WDR4: variants seen among roughly 807,000 people sequenced by gnomAD.
WDR4 encodes WDR4 tRNA N7-guanosine methyltransferase non-catalytic subunit, also known as tRNA (guanine-N(7)-)-methyltransferase non-catalytic subunit WDR4.
Under a neutral mutation model 48.6 loss-of-function variants are expected in WDR4, and 47 were observed. That is an observed-to-expected ratio of 0.97 (90% CI 0.77 to 1.23). WDR4 has a LOEUF of 1.23. Among genes scored for constraint, WDR4 ranks in the 50% most tolerant of loss-of-function variants. The probability of loss-of-function intolerance (pLI) is 0.00; values close to 1 mark genes in which losing one functional copy is unlikely to be tolerated. For synonymous variants in WDR4, 268 were observed against 230.0 expected, an observed-to-expected ratio of 1.17 and a Z score of -1.49; for missense variants, 606 against 551.6, an observed-to-expected ratio of 1.10 and a Z score of -0.99.
At chr21:42,890,719 ACT>A in the WDR4 span, among the ~76,000 whole-genome samples, 1 of 152,092 alleles carries the variant, frequency 6.6e-6, no homozygotes, top group Non-Finnish European at 1.5e-5. Context: ...CCACAGAAAG[ACT>A]CTGGGCAGAG....
chr21:42,876,626 C>T (rs2058497982), intron 2 of WDR4, 76 bp downstream of exon 2: 1 of 1,395,686 alleles, frequency 7.2e-7, no homozygotes, highest in Non-Finnish European at 1.0e-6. Context: ...AGTAGGACAA[C>T]AATTGCTTCT....
chr21:42,844,947 C>G (rs1025191465), downstream of WDR4, among the ~76,000 whole-genome samples: 1 of 152,310 alleles, frequency 6.6e-6, no homozygotes, highest in South Asian at 2.1e-4. Flanking sequence ...CCTGTGGAGT[C>G]CCTCCAGCTC....
Position 42,862,333 on chromosome 21 carries a change from C to G in WDR4, c.515G>C (p.Ser172Thr), listed in dbSNP as rs1380440567. Residue 172 changes from serine to threonine, a missense_variant, in exon 5 of 11, where the codon AGC becomes ACC. Ser to Thr is a moderately conservative substitution (Grantham distance 58). Transcript: ENST00000398208. This position sits in a 1 kb window ranked among gnomAD's most constrained non-coding sequence, Gnocchi z 4.3. ...GATGCTATGGGGCGCCGCGGCCCAGCTGACTCGGATCTTCTCGTCCCGGTC... is the reference window on the plus strand; with the variant it reads ...GATGCTATGGGGCGCCGCGGCCCAGGTGACTCGGATCTTCTCGTCCCGGTC... ...TADRDEKIRV[S>T]WAAAPHSIES... 7 of 1,611,896 alleles carry G rather than the reference C, an allele frequency of 4.3e-6. No individual in the cohort carries two copies. The highest frequency in any genetic ancestry group is 3.3e-5 in the Admixed American group (2 of 59,822).
intron 9 of WDR4, among the ~76,000 whole-genome samples, chr21:42,852,894 A>G (rs1452537737): frequency 6.7e-6 from 1 of 149,176 alleles, no homozygotes; most frequent in Non-Finnish European, 1.5e-5. Flanking sequence ...CAGCCTGGGC[A>G]ACACGAGCAA....
Position 42,853,740 on chromosome 21 carries a change from G to T in WDR4, c.804C>A (p.Val268=). 1 of 1,557,368 alleles carries T rather than the reference G, an allele frequency of 6.4e-7. No homozygotes were observed. ...TGCGGGCGTCCAGCTGGAAGATGTA[G>T]ACCACAGGAGTGCTTGCCACGAAGA... ...VALLCDGTPV[V]YIFQLDARRQ... is the part of the protein sequence containing the mutation. The change falls in exon 9 of 11, where the codon GTC becomes GTA. Residue 268 remains valine, a synonymous_variant. Coordinates refer to ENST00000398208, the MANE Select transcript of WDR4 (RefSeq NM_018669.6).
At chr21:42,867,698 A>T (rs987959442) in intron 3 of WDR4, among the ~76,000 whole-genome samples, 5 of 151,746 alleles carry the variant, frequency 3.3e-5, no homozygotes, top group Non-Finnish European at 7.4e-5. Context: ...GGGTACTTAA[A>T]CTAGATGCAC....
At chr21:42,885,208 G>A in the WDR4 span, among the ~76,000 whole-genome samples, 1 of 152,138 alleles carries the variant, frequency 6.6e-6, no homozygotes, top group East Asian at 1.9e-4. Context: ...ATAACTTCTA[G>A]GGCAAGTCTT....
At chr21:42,846,484 T>C (rs1368783683), downstream of WDR4, among the ~76,000 whole-genome samples, 3 of 152,194 alleles carry the variant, frequency 2.0e-5, no homozygotes, top group Non-Finnish European at 4.4e-5. Flanking sequence ...GTGCATTCAG[T>C]TGCTGAAATC....
chr21:42,854,517 C>T (rs779137633), intron 8 of WDR4, 45 bp downstream of exon 8: 1 of 1,590,594 alleles, frequency 6.3e-7, no homozygotes, highest in Non-Finnish European at 8.6e-7. Flanking sequence ...CTTCCCCCTG[C>T]AGGTCTGCAG....
At chr21:42,882,964 T>C (rs959474832), upstream of WDR4, among the ~76,000 whole-genome samples, 1 of 152,082 alleles carries the variant, frequency 6.6e-6, no homozygotes, top group Non-Finnish European at 1.5e-5. Flanking sequence ...CCGGGCATGG[T>C]GGCGGACGCC....
intron 8 of WDR4, 48 bp from the exon 9 acceptor site, chr21:42,853,800 G>A: frequency 6.6e-7 from 1 of 1,517,272 alleles, no homozygotes. Context: ...CAGGCCCACG[G>A]GCTCCGCTCT....
intron 6 of WDR4, 104 bp downstream of exon 6, chr21:42,859,558 C>CCAGGGGCCAACGATCCA: frequency 2.4e-6 from 2 of 820,430 alleles, no homozygotes; most frequent in Non-Finnish European, 3.8e-6. Context: ...CCACAGCCAG[C>CCAGGGGCCAACGATCCA]CAGGGGCCAG....
At chr21:42,877,881 TA>T (rs2058534110) in intron 1 of WDR4, among the ~76,000 whole-genome samples, 1 of 151,676 alleles carries the variant, frequency 6.6e-6, no homozygotes, top group South Asian at 2.1e-4. Flanking sequence ...CCATCTCCAC[TA>T]AAAATATAAA....
At chr21:42,892,231 G>T in the WDR4 span, among the ~76,000 whole-genome samples, 1 of 149,794 alleles carries the variant, frequency 6.7e-6, no homozygotes, top group Non-Finnish European at 1.5e-5. Context: ...GCCAGCCTGG[G>T]CTACAGAGCA....
intron 3 of WDR4, among the ~76,000 whole-genome samples, chr21:42,864,095 G>A (rs1174369454): frequency 1.0e-4 from 7 of 67,310 alleles, no homozygotes; most frequent in Non-Finnish European, 1.6e-4. Flanking sequence ...GCGACAGAGC[G>A]AGACTCCGTC....
Position 42,876,729 on chromosome 21 carries a change from G to A in WDR4, c.128C>T (p.Ala43Val), listed in dbSNP as rs1468490245. 6.2e-7 allele frequency: 1 copy of A among 1,613,236 alleles called. No homozygotes were observed. Among genetic ancestry groups the A allele is most frequent in the Non-Finnish European group, 8.5e-7 (1 of 1,179,728 alleles). Reference sequence around the variant, plus strand: ...TTTATTTTCTTGTGACTTCTTTTCTGCAGCACTGCAGTCATAGATGAAGAG... The same window carrying A: ...TTTATTTTCTTGTGACTTCTTTTCTACAGCACTGCAGTCATAGATGAAGAG... The part of the protein sequence containing the change: ...DSLFIYDCSA[A>V]EKKSQENKGE... Residue 43 changes from alanine (A) to valine (V), a missense_variant, in exon 2 of 11, where the codon GCA (alanine) becomes GTA (valine). By Grantham distance (64) the Ala-to-Val change is moderately conservative. Coordinates refer to ENST00000398208, the MANE Select transcript of WDR4 (RefSeq NM_018669.6).
chr21:42,881,822 G>T (rs147261375), upstream of WDR4, among the ~76,000 whole-genome samples: 1,631 of 149,322 alleles, frequency 0.011, 18 homozygotes, highest in African/African-American at 0.037. Flanking sequence ...CTTTTTTTTT[G>T]AGGCGGAGTT....
the WDR4 span, among the ~76,000 whole-genome samples, chr21:42,892,269 A>T: frequency 9.1e-4 from 70 of 77,104 alleles, no homozygotes; most frequent in East Asian, 3.3e-3. Context: ...AAAAAAAAAA[A>T]TTTAAACAAA....
intron 8 of WDR4, 96 bp from the exon 9 acceptor site, chr21:42,853,848 C>T (rs1237469896): frequency 1.5e-6 from 2 of 1,337,172 alleles, no homozygotes; most frequent in East Asian, 2.5e-5. Context: ...CTCGCCGGTG[C>T]CACCTCAGGA....
Sources: gnomAD v4.1 joint callset for allele counts (sites outside exome capture counted in the v4.1 genomes callset) on GRCh38, gnomAD v4.1.1 for gene constraint, Gnocchi (gnomAD v3.1) non-coding constraint, MANE v1.5 for transcripts, NCBI Gene and HGNC (gene_info 2026-07-23, HGNC 2026-07-21) for gene names.